LARGE1: variants seen among roughly 807,000 people sequenced by gnomAD.
LARGE1 encodes the protein LARGE xylosyl- and glucuronyltransferase 1.
A neutral mutation model predicts 87.6 loss-of-function variants in LARGE1; 43 were observed. The ratio of observed to expected loss-of-function variants is 0.49; its 90% CI spans 0.38 to 0.63. The LOEUF is 0.63. Among genes scored for constraint, LARGE1 ranks in the 30% least tolerant of loss-of-function variants. The pLI is 0.00. For synonymous variants in LARGE1, 434 were observed against 394.6 expected (o/e 1.10, Z -1.18); for missense variants, 802 against 1,000.2 (o/e 0.80, Z 2.67).
At chr22:33,198,811 C>G (rs186870745) in intron 11 of LARGE1, among the ~76,000 whole-genome samples, 1 of 152,272 alleles carries the variant, frequency 6.6e-6, no homozygotes, top group East Asian at 1.9e-4. Context: ...GATAAACACA[C>G]TAGTGCCAGT....
chr22:33,619,470 G>C (rs898460967), intron 4 of LARGE1, among the ~76,000 whole-genome samples: 6 of 150,592 alleles, frequency 4.0e-5, no homozygotes, highest in African/African-American at 1.2e-4. Context: ...AAGGAGAATT[G>C]CTTGAACTTG....
chr22:33,672,616 A>C (rs923411117), intron 2 of LARGE1, among the ~76,000 whole-genome samples: 1 of 152,200 alleles, frequency 6.6e-6, no homozygotes, highest in Non-Finnish European at 1.5e-5. Flanking sequence ...TGGTTGAGAC[A>C]CATTCTCTAA....
the LARGE1 span, among the ~76,000 whole-genome samples, chr22:33,133,551 T>C: frequency 1.3e-5 from 2 of 152,378 alleles, no homozygotes; most frequent in East Asian, 3.9e-4. Context: ...GGTGTATATG[T>C]GCCACATTTT....
intron 12 of LARGE1, among the ~76,000 whole-genome samples, chr22:33,293,927 A>G (rs1368089505): frequency 6.6e-6 from 1 of 152,242 alleles, no homozygotes; most frequent in Non-Finnish European, 1.5e-5. Flanking sequence ...TAACAGATTT[A>G]TCCATTCTCA....
chr22:33,890,779 T>A (rs892328590), intron 1 of LARGE1, among the ~76,000 whole-genome samples: 20 of 122,106 alleles, frequency 1.6e-4, no homozygotes, highest in African/African-American at 5.7e-4. Context: ...ACAGAGGAGG[T>A]CATAATTTTG....
At chr22:33,575,082 G>T (rs1210134168) in intron 5 of LARGE1, among the ~76,000 whole-genome samples, 1 of 152,064 alleles carries the variant, frequency 6.6e-6, no homozygotes, top group African/African-American at 2.4e-5. Context: ...TTGTGGTAGG[G>T]CCTAGAAATC....
In LARGE1 at chr22:33,371,010, T is replaced by A. The variant is rs115857537; in HGVS notation, c.1131+10909A>T. ...TCTAAGAAATGTAAAATAAAATGTA[T>A]AATGAAATATAATATTCATAGTATA... On this transcript the variant is annotated intron_variant, in intron 9 of 14. Transcript: ENST00000397394. Among the ~76,000 whole-genome samples the A allele has an allele frequency of 8.4e-3, 1,261 of 150,650 alleles. 17 individuals are homozygous for A. Among genetic ancestry groups the A allele is most frequent in the African/African-American group, 0.028 (1,168 of 41,274 alleles).
intron 1 of LARGE1, among the ~76,000 whole-genome samples, chr22:33,773,767 G>A (rs1038646718): frequency 1.3e-5 from 2 of 152,168 alleles, no homozygotes; most frequent in African/African-American, 4.8e-5. Context: ...GAAAGCCCAT[G>A]GCAATATCAG....
At chr22:33,379,995 G>A (rs544992669) in intron 9 of LARGE1, among the ~76,000 whole-genome samples, 1 of 152,302 alleles carries the variant, frequency 6.6e-6, no homozygotes, top group African/African-American at 2.4e-5. Flanking sequence ...CAGGCTCCCT[G>A]CCACTAGGGA....
chr22:33,887,277 T>C (rs1038568506), intron 1 of LARGE1, among the ~76,000 whole-genome samples: 1 of 152,184 alleles, frequency 6.6e-6, no homozygotes, highest in Non-Finnish European at 1.5e-5. Context: ...ATAGGATTAC[T>C]GCCCTTAAAA....
At chr22:33,789,324 TG>T (rs2145970560) in intron 1 of LARGE1, among the ~76,000 whole-genome samples, 1 of 152,342 alleles carries the variant, frequency 6.6e-6, no homozygotes, top group African/African-American at 2.4e-5. Flanking sequence ...AACCCCTGCC[TG>T]GATTTCACAG....
At chr22:33,663,586 A>G (rs1405225359) in intron 2 of LARGE1, among the ~76,000 whole-genome samples, 2 of 152,190 alleles carry the variant, frequency 1.3e-5, no homozygotes, top group African/African-American at 2.4e-5. Context: ...AGCCCCTTGC[A>G]GGACAGAGGC....
At chr22:33,616,332 C>T (rs989925929) in intron 4 of LARGE1, among the ~76,000 whole-genome samples, 1 of 151,844 alleles carries the variant, frequency 6.6e-6, no homozygotes, top group African/African-American at 2.4e-5. Flanking sequence ...CATGGCGAAA[C>T]CCTGTCTCTC....
intron 14 of LARGE1, 52 bp from the exon 15 acceptor site, chr22:33,274,676 A>G (rs539290587): frequency 1.3e-6 from 2 of 1,497,982 alleles, no homozygotes; most frequent in East Asian, 2.3e-5. Flanking sequence ...AGGGTCATGC[A>G]TGATGAAGGC....
chr22:33,598,007 C>T (rs2079023967), intron 5 of LARGE1, among the ~76,000 whole-genome samples: 1 of 152,160 alleles, frequency 6.6e-6, no homozygotes, highest in Non-Finnish European at 1.5e-5. Flanking sequence ...GTACCATTCC[C>T]AGCAGGCCTT....
Position 33,604,197 on chromosome 22 carries a change from G to A in LARGE1, c.615+238C>T, listed in dbSNP as rs146396910. Among the ~76,000 whole-genome samples the A allele has an allele frequency of 5.3e-3, 809 of 152,294 alleles. 5 individuals are homozygous for A. Among genetic ancestry groups the A allele is most frequent in the Non-Finnish European group, 9.3e-3 (631 of 68,032 alleles). ...ATACACCAGGCCAATGCTCTCCAGC[G>A]TCTCCAGAAAGCCTTGGTGGTCAAA... On this transcript the variant is annotated intron_variant, in intron 5 of 14. Coordinates refer to ENST00000397394, the MANE Select transcript of LARGE1 (RefSeq NM_133642.5).
At chr22:33,672,905 A>T (rs1311425534) in intron 2 of LARGE1, among the ~76,000 whole-genome samples, 2 of 152,194 alleles carry the variant, frequency 1.3e-5, no homozygotes, top group Non-Finnish European at 2.9e-5. Context: ...GCTCATCAGG[A>T]GGACAATCGA....
intron 9 of LARGE1, 88 bp from the exon 10 acceptor site, chr22:33,337,889 G>T: frequency 7.2e-7 from 1 of 1,392,822 alleles, no homozygotes; most frequent in Non-Finnish European, 1.0e-6. Flanking sequence ...TCAGCACTGG[G>T]CTAAGCATTA....
intron 11 of LARGE1, among the ~76,000 whole-genome samples, chr22:33,304,784 GAGTAT>G (rs1439237144): frequency 4.6e-5 from 7 of 152,302 alleles, no homozygotes; most frequent in South Asian, 4.1e-4. Flanking sequence ...GCCAGGTGGT[GAGTAT>G]ATTAAATGAT....
Sources: allele counts gnomAD v4.1 joint callset (sites outside exome capture counted in the v4.1 genomes callset), GRCh38; gene constraint gnomAD v4.1.1; transcripts MANE v1.5; gene names NCBI Gene and HGNC (gene_info 2026-07-23, HGNC 2026-07-21).